Variants in RBFOX1 observed in about 807,000 individuals in gnomAD.
RBFOX1 encodes RNA binding protein fox-1 homolog 1.
In RBFOX1, 8 loss-of-function variants were observed where a neutral mutation model predicts 57.7. The observed-to-expected ratio is 0.14, with a 90% CI of 0.08 to 0.25. RBFOX1 has a LOEUF of 0.25. Among genes scored for constraint, RBFOX1 ranks in the 10% least tolerant of loss-of-function variants. RBFOX1 has a pLI of 1.00. For missense variants in RBFOX1, 611 were observed against 548.5 expected (o/e 1.11, Z -1.14); for synonymous variants, 326 against 222.4 (o/e 1.47, Z -4.15).
intron 2 of RBFOX1, among the ~76,000 whole-genome samples, chr16:6,549,578 G>C (rs866323068): frequency 6.7e-6 from 1 of 150,262 alleles, no homozygotes; most frequent in Non-Finnish European, 1.5e-5. Flanking sequence ...AGGGAGGAAG[G>C]AGGAGGAAAG....
chr16:6,467,221 TAA>T (rs1475637175), intron 2 of RBFOX1, among the ~76,000 whole-genome samples: 6 of 151,370 alleles, frequency 4.0e-5, no homozygotes, highest in South Asian at 2.1e-4. Flanking sequence ...TGTAATATAA[TAA>T]AGTTTTCTTA....
chr16:6,015,154 C>G (rs2094985722), upstream of RBFOX1, among the ~76,000 whole-genome samples: 1 of 152,192 alleles, frequency 6.6e-6, no homozygotes, highest in African/African-American at 2.4e-5. Flanking sequence ...AGAGCCACCA[C>G]CCTCTGGCCT....
chr16:5,384,010 G>A (rs1268107407), intron 1 of RBFOX1, among the ~76,000 whole-genome samples: 1 of 152,126 alleles, frequency 6.6e-6, no homozygotes, highest in African/African-American at 2.4e-5. Flanking sequence ...TTTCCACAGG[G>A]TGGTACCAGT....
At chr16:6,939,083 C>G (rs1196082695) in intron 3 of RBFOX1, among the ~76,000 whole-genome samples, 1 of 152,174 alleles carries the variant, frequency 6.6e-6, no homozygotes, top group Non-Finnish European at 1.5e-5. Flanking sequence ...CTTTTCCTGT[C>G]ATTTTACTCT....
chr16:5,732,757 C>A (rs1399436308), intron 3 of RBFOX1, among the ~76,000 whole-genome samples: 1 of 152,156 alleles, frequency 6.6e-6, no homozygotes, highest in Non-Finnish European at 1.5e-5. Context: ...GAGATTCTCC[C>A]AGGTCCTAGG....
intron 3 of RBFOX1, among the ~76,000 whole-genome samples, chr16:6,720,524 G>T (rs565687292): frequency 6.6e-6 from 1 of 152,254 alleles, no homozygotes; most frequent in Non-Finnish European, 1.5e-5. Context: ...AGGAAAGGGT[G>T]TTACAGGCAG....
At chr16:6,287,225 T>A (rs950148812) in intron 1 of RBFOX1, among the ~76,000 whole-genome samples, 1 of 152,096 alleles carries the variant, frequency 6.6e-6, no homozygotes, top group African/African-American at 2.4e-5. Context: ...GTTTTCAAGT[T>A]GAAGTGGGTT....
chr16:5,750,104 G>A (rs538868559), intron 3 of RBFOX1, among the ~76,000 whole-genome samples: 19 of 152,308 alleles, frequency 1.2e-4, no homozygotes, highest in African/African-American at 4.6e-4. Flanking sequence ...CTCAGCTGCA[G>A]GTCTGTTGGA....
chr16:7,403,214 G>A (rs2098274014), intron 4 of RBFOX1, among the ~76,000 whole-genome samples: 1 of 152,164 alleles, frequency 6.6e-6, no homozygotes, highest in Non-Finnish European at 1.5e-5. Flanking sequence ...GTATCTATCA[G>A]CTCAGAGTTC....
At chr16:7,282,105 C>A (rs937029120) in intron 4 of RBFOX1, among the ~76,000 whole-genome samples, 11 of 152,050 alleles carry the variant, frequency 7.2e-5, no homozygotes, top group Non-Finnish European at 1.6e-4. Context: ...TCAGGTGATC[C>A]ACCCACTTCA....
rs541296054 is a variant in RBFOX1 at position 7,468,433 on chromosome 16, T to C, written c.28-49714T>C. Among the ~76,000 whole-genome samples the C allele has an allele frequency of 7.9e-5, 12 of 152,028 alleles. No homozygotes were observed. In the South Asian group the frequency reaches 2.3e-3, roughly 29 times the overall value. On this transcript the variant is annotated intron_variant, in intron 4 of 15. Coordinates refer to ENST00000550418, the MANE Select transcript of RBFOX1 (RefSeq NM_018723.4). ...CTGCTACTTGCACTCAACATGCCGC[T>C]TATTTTTGAGTCACTCGGAGGGTGT...
At chr16:5,600,870 C>T (rs996958254), downstream of RBFOX1, among the ~76,000 whole-genome samples, 1 of 152,162 alleles carries the variant, frequency 6.6e-6, no homozygotes, top group African/African-American at 2.4e-5. Context: ...GTTCTTTTAA[C>T]ATCCTCTCAA....
intron 2 of RBFOX1, among the ~76,000 whole-genome samples, chr16:6,412,649 C>T (rs1275034859): frequency 6.6e-6 from 1 of 152,218 alleles, no homozygotes; most frequent in Admixed American, 6.5e-5. Flanking sequence ...TTCACATGCA[C>T]TTTGATGTGC....
intron 3 of RBFOX1, among the ~76,000 whole-genome samples, chr16:5,858,634 TA>T (rs2057131038): frequency 6.6e-6 from 1 of 152,242 alleles, no homozygotes; most frequent in South Asian, 2.1e-4. Flanking sequence ...CAAGTGCATG[TA>T]AATATTTCAT....
At chr16:5,391,271 C>G (rs2066399959) in intron 1 of RBFOX1, among the ~76,000 whole-genome samples, 1 of 152,142 alleles carries the variant, frequency 6.6e-6, no homozygotes, top group Non-Finnish European at 1.5e-5. Context: ...GTTAGAAGTC[C>G]TACATGGGTC....
intron 15 of RBFOX1, 109 bp downstream of exon 15, chr16:7,709,240 G>A: frequency 1.7e-6 from 2 of 1,145,072 alleles, no homozygotes; most frequent in African/African-American, 1.6e-5. Context: ...AATTGAATTT[G>A]TCTCTTGTGC....
chr16:5,303,115 A>T (rs376232129), intron 1 of RBFOX1, among the ~76,000 whole-genome samples: 2 of 152,200 alleles, frequency 1.3e-5, no homozygotes, highest in Admixed American at 1.3e-4. Flanking sequence ...CAAGCTAGAA[A>T]ATGACCAGTA....
At position 7,699,367 on chromosome 16, in the gene RBFOX1, T is replaced by C. The variant is rs77840361; in HGVS notation, c.996-9689T>C. On this transcript the variant is annotated intron_variant, in intron 14 of 15. Transcript: ENST00000550418. ...CTACCACACCCAGCTGATATCTTAA[T>C]TTTTTGAAGAAATGGGGTCTTGTTC... Among the ~76,000 whole-genome samples the C allele has an allele frequency of 8.7e-3, 1,318 of 152,252 alleles. 10 individuals carry two copies. Among genetic ancestry groups the C allele is most frequent in the Middle Eastern group, 0.017 (5 of 294 alleles).
chr16:7,138,633 C>G (rs1040598306), intron 4 of RBFOX1, among the ~76,000 whole-genome samples: 2 of 152,142 alleles, frequency 1.3e-5, no homozygotes, highest in African/African-American at 4.8e-5. Context: ...GATAATAATT[C>G]TCACCTGGGG....
Sources: allele counts gnomAD v4.1 joint callset (sites outside exome capture counted in the v4.1 genomes callset), GRCh38; gene constraint gnomAD v4.1.1; transcripts MANE v1.5; gene names NCBI Gene and HGNC (gene_info 2026-07-23, HGNC 2026-07-21).